Variants in CPLANE1 observed in about 807,000 individuals in gnomAD.
CPLANE1 encodes the protein ciliogenesis and planar polarity effector complex subunit 1.
In CPLANE1, 263 loss-of-function variants were observed where a neutral mutation model predicts 362.5. That is an observed-to-expected ratio of 0.73 (90% CI 0.66 to 0.80). The LOEUF (loss-of-function observed/expected upper bound fraction) is 0.80, where lower values mean the gene tolerates loss of function less well. CPLANE1 is among the 30% of genes least tolerant of loss of function. The pLI, the probability that CPLANE1 is intolerant of heterozygous loss-of-function variation, is 0.00. For missense variants in CPLANE1, 3,461 were observed against 3,793.4 expected (o/e 0.91, Z 2.30); for synonymous variants, 1,212 against 1,302.6 (o/e 0.93, Z 1.50).
intron 16 of CPLANE1, chr5:37,211,629 C>T: frequency 1.2e-6 from 1 of 833,152 alleles, no homozygotes; most frequent in Non-Finnish European, 2.1e-6. Context: ...TCTGGAAGGT[C>T]TGGGCAGATC....
chr5:37,197,408 A>C (rs377496434), intron 20 of CPLANE1, among the ~76,000 whole-genome samples: 10 of 152,286 alleles, frequency 6.6e-5, no homozygotes, highest in Admixed American at 4.6e-4. Flanking sequence ...AGAGAGAGAG[A>C]GAGCCAGCAA....
In CPLANE1 at chr5:37,170,362, TTAAAA is replaced by T. The variant is rs760178263; in HGVS notation, c.6172-36_6172-32del. On this transcript the variant is annotated intron_variant, in intron 32 of 52. Transcript: ENST00000651892. The stretch of plus-strand genomic sequence containing the variant: ...ATAAAACAAAAATTGAAGCGATATC[TTAAAA>T]TATAACAAAAAGAATCTAAGGAATA... 1.9e-6 allele frequency: 3 copies of T among 1,577,528 alleles called. 1 individual carries two copies. The highest frequency in any genetic ancestry group is 8.6e-7 in the Non-Finnish European group (1 of 1,159,216).
chr5:37,190,806 C>T (rs997246339), intron 21 of CPLANE1, among the ~76,000 whole-genome samples: 1 of 152,164 alleles, frequency 6.6e-6, no homozygotes, highest in African/African-American at 2.4e-5. Context: ...ACACATTACT[C>T]AGGTGTTTAT....
rs543145975 is a variant in CPLANE1, at chr5:37,219,840, C to CA, written c.2746+1483dup. Among the ~76,000 whole-genome samples, 40 of 150,322 alleles carry CA rather than the reference C, an allele frequency of 2.7e-4. No homozygotes were observed. The East Asian group carries it at 2.9e-3, about 11-fold the overall frequency. On this transcript the variant is annotated intron_variant, in intron 15 of 52. Transcript: ENST00000651892. The stretch of plus-strand genomic sequence containing the variant: ...TATACATGTGTCAAAAGGCCCTAGA[C>CA]AAAAAAAAACTAAACTTGTAAGTGA...
chr5:37,096,891 A>T, the CPLANE1 span, among the ~76,000 whole-genome samples: 1 of 152,212 alleles, frequency 6.6e-6, no homozygotes, highest in Non-Finnish European at 1.5e-5. Context: ...CATAGTAAAA[A>T]AAAAGTCAAA....
chr5:37,154,696 C>G (rs1043408559), intron 41 of CPLANE1, among the ~76,000 whole-genome samples: 4 of 151,876 alleles, frequency 2.6e-5, no homozygotes, highest in Non-Finnish European at 5.9e-5. Context: ...TTCCTTTTAC[C>G]CATAAGTACT....
chr5:37,227,080 C>T lies in CPLANE1; in HGVS notation c.1522-7G>A, dbSNP rs1223703108. ...TTTCTTCTGCTTCAAAATCCTAAAA[C>T]ATGAGGGGAAAAAAATGATACTTAA... On this transcript the variant is annotated splice_region_variant and splice_polypyrimidine_tract_variant and intron_variant, in intron 11 of 52. Transcript: ENST00000651892. 2 of 1,532,874 alleles carry T rather than the reference C, an allele frequency of 1.3e-6. No homozygotes were observed. Among genetic ancestry groups the T allele is most frequent in the Non-Finnish European group, 1.8e-6 (2 of 1,139,452 alleles). 95.0% of individuals were successfully genotyped at this position (1,532,874 alleles called of 1,614,324 possible). A position where few individuals can be genotyped will look rare whatever the true frequency, so the allele number is the denominator to read the frequency against.
intron 46 of CPLANE1, among the ~76,000 whole-genome samples, chr5:37,128,319 T>C (rs2150183876): frequency 6.6e-6 from 1 of 152,250 alleles, no homozygotes; most frequent in Non-Finnish European, 1.5e-5. Context: ...TACTTACACC[T>C]ATTACCCTAC....
At chr5:37,242,852 A>C (rs910164501) in intron 6 of CPLANE1, among the ~76,000 whole-genome samples, 161 bp downstream of exon 6, 2 of 152,052 alleles carry the variant, frequency 1.3e-5, no homozygotes, top group African/African-American at 4.8e-5. Context: ...AAAAAAAAAA[A>C]AAATTAGCCA....
chr5:37,228,407 A>G (rs1002001099), intron 9 of CPLANE1, among the ~76,000 whole-genome samples: 3 of 152,164 alleles, frequency 2.0e-5, no homozygotes, highest in Admixed American at 1.3e-4. Flanking sequence ...AGTATATTGT[A>G]ATTTTTTTCT....
chr5:37,120,276 G>T lies in CPLANE1; in HGVS notation c.9250C>A (p.Pro3084Thr). ...RPGKVKYMSK[P>T]SYIHKRKSFG... ...GACTTCCTCTTATGGATATAACTCGGTTTGGACATATATTTGACTTTTCCA... is the reference window on the plus strand; with the variant it reads ...GACTTCCTCTTATGGATATAACTCGTTTTGGACATATATTTGACTTTTCCA... Residue 3084 changes from proline to threonine, a missense_variant, in exon 50 of 53, where the codon CCG becomes ACG. Physicochemically the swap from Pro to Thr is conservative, Grantham distance 38. Transcript: ENST00000651892. 6.2e-7 allele frequency: 1 copy of T among 1,600,788 alleles called. No individual in the cohort carries two copies. Among genetic ancestry groups the T allele is most frequent in the Non-Finnish European group, 8.5e-7 (1 of 1,175,270 alleles).
intron 1 of CPLANE1, among the ~76,000 whole-genome samples, chr5:37,248,536 C>CA (rs1193898701): frequency 3.9e-5 from 6 of 152,028 alleles, no homozygotes; most frequent in Admixed American, 6.6e-5. Context: ...TATCAGTCAG[C>CA]ACGGAGGCTG....
chr5:37,245,955 T>C (rs1237867585), intron 2 of CPLANE1, 110 bp from the exon 3 acceptor site: 1 of 1,065,178 alleles, frequency 9.4e-7, no homozygotes, highest in African/African-American at 1.6e-5. Context: ...AGATTATCCA[T>C]TTGTACCACA....
chr5:37,208,587 G>A (rs962070702), intron 16 of CPLANE1, among the ~76,000 whole-genome samples: 6 of 151,704 alleles, frequency 4.0e-5, no homozygotes, highest in Admixed American at 2.0e-4. Flanking sequence ...TGAGGCAGGA[G>A]AATGGCACGA....
intron 21 of CPLANE1, among the ~76,000 whole-genome samples, chr5:37,194,504 T>C (rs1167965200): frequency 6.6e-6 from 1 of 152,092 alleles, no homozygotes; most frequent in African/African-American, 2.4e-5. Flanking sequence ...CCTGGCCCTT[T>C]TGTTACGTGA....
chr5:37,090,300 G>C, the CPLANE1 span, among the ~76,000 whole-genome samples: 1 of 152,082 alleles, frequency 6.6e-6, no homozygotes, highest in Non-Finnish European at 1.5e-5. Context: ...GATGGCCCCC[G>C]GGCTATGCTT....
At chr5:37,165,791 A>G in intron 35 of CPLANE1, 120 bp from the exon 36 acceptor site, 1 of 872,916 alleles carries the variant, frequency 1.1e-6, no homozygotes, top group Admixed American at 3.2e-5. Flanking sequence ...TTTCAATAGC[A>G]TTTAATTAAA....
At chr5:37,104,188 C>G (rs1757432141), downstream of CPLANE1, among the ~76,000 whole-genome samples, 1 of 152,156 alleles carries the variant, frequency 6.6e-6, no homozygotes, top group Admixed American at 6.5e-5. Context: ...CAGTGAATTT[C>G]TTGTGTTGAG....
chr5:37,080,696 T>C, the CPLANE1 span, among the ~76,000 whole-genome samples: 3 of 152,232 alleles, frequency 2.0e-5, no homozygotes, highest in African/African-American at 7.2e-5. Context: ...TGCTGAAGGA[T>C]GCTGGAGTCC....
Sources: gnomAD v4.1 joint callset for allele counts (sites outside exome capture counted in the v4.1 genomes callset) on GRCh38, gnomAD v4.1.1 for gene constraint, MANE v1.5 for transcripts, NCBI Gene and HGNC (gene_info 2026-07-23, HGNC 2026-07-21) for gene names.